The following GPR39 variants were observed in gnomAD, a reference collection of about 807,000 sequenced individuals.
The protein encoded by GPR39 is G protein-coupled receptor 39.
A neutral mutation model predicts 18.4 loss-of-function variants in GPR39; 23 were observed. That is an observed-to-expected ratio of 1.25 (90% CI 0.90 to 1.77). The LOEUF (loss-of-function observed/expected upper bound fraction) is 1.77, where lower values mean the gene tolerates loss of function less well. Among genes scored for constraint, GPR39 ranks in the 40% most tolerant of loss-of-function variants. The pLI is 0.00. For missense variants in GPR39, 647 were observed against 602.4 expected (o/e 1.07, Z -0.78); for synonymous variants, 280 against 257.9 (o/e 1.09, Z -0.82).
intron 1 of GPR39, among the ~76,000 whole-genome samples, chr2:132,427,568 T>C (rs1282248894): frequency 6.6e-6 from 1 of 150,940 alleles, no homozygotes; most frequent in African/African-American, 2.4e-5. Context: ...TTTGGAGACA[T>C]ATACTCAGCA....
intron 1 of GPR39, among the ~76,000 whole-genome samples, chr2:132,545,670 G>GTGTGTGTT (rs1242273914): frequency 3.1e-4 from 47 of 151,956 alleles, no homozygotes; most frequent in African/African-American, 1.1e-3. Flanking sequence ...GTGTGTGTGT[G>GTGTGTGTT]TGTGTGTGTG....
At chr2:132,619,268 A>G (rs1002247618) in intron 1 of GPR39, among the ~76,000 whole-genome samples, 4 of 152,210 alleles carry the variant, frequency 2.6e-5, no homozygotes, top group African/African-American at 4.8e-5. Flanking sequence ...GATCACAGCA[A>G]TTTGAGGCAC....
At position 132,646,546 on chromosome 2, in the gene GPR39, GT is replaced by G. The variant is rs1682092908; in HGVS notation, c.*942del. 1.4e-5 allele frequency: 5 copies of G among 355,472 alleles called. No individual in the cohort carries two copies. Among genetic ancestry groups the G allele is most frequent in the Non-Finnish European group, 2.5e-5 (5 of 199,786 alleles). The allele number at this position is 355,472 out of a possible 1,614,324, so 22.0% of individuals were successfully genotyped here. On this transcript the variant is annotated 3_prime_UTR_variant, in exon 2 of 2. Coordinates refer to ENST00000329321, the MANE Select transcript of GPR39 (RefSeq NM_001508.3). ...TGTGAATACCTGTTAATAAAGAGCT[GT>G]TAAATAGACTTATTTACATTTTAAG... is the stretch of plus-strand genomic sequence containing the variant.
chr2:132,544,985 G>A (rs12476183), intron 1 of GPR39, among the ~76,000 whole-genome samples: 25,676 of 152,208 alleles, frequency 0.17, 2,548 homozygotes, highest in African/African-American at 0.26. Context: ...AATAGGTGAA[G>A]CGTGGGGAAC....
chr2:132,480,252 T>C (rs530847573), intron 1 of GPR39, among the ~76,000 whole-genome samples: 3 of 152,188 alleles, frequency 2.0e-5, no homozygotes, highest in African/African-American at 7.2e-5. Context: ...TGCCAGGGAC[T>C]AGGAGGAGGA....
At chr2:132,489,048 C>T (rs1681404060) in intron 1 of GPR39, 2 of 188,808 alleles carry the variant, frequency 1.1e-5, no homozygotes, top group South Asian at 2.3e-4. Flanking sequence ...CCTGGAATTC[C>T]ACCAGGGCCT....
At chr2:132,449,150 C>G (rs1168539253) in intron 1 of GPR39, among the ~76,000 whole-genome samples, 3 of 152,224 alleles carry the variant, frequency 2.0e-5, no homozygotes, top group Non-Finnish European at 2.9e-5. Context: ...CATTGCCACA[C>G]GGCAAGGTTT....
intron 1 of GPR39, among the ~76,000 whole-genome samples, chr2:132,507,259 T>C (rs1425081011): frequency 6.6e-6 from 1 of 152,136 alleles, no homozygotes; most frequent in South Asian, 2.1e-4. Flanking sequence ...TACCAGGTAG[T>C]GCTCAGTGAA....
chr2:132,572,554 C>A (rs1055211537), intron 1 of GPR39, among the ~76,000 whole-genome samples: 10 of 145,858 alleles, frequency 6.9e-5, no homozygotes, highest in Middle Eastern at 3.5e-3. Flanking sequence ...AAAAAAAAAA[C>A]CTCATTCTAA....
chr2:132,554,457 CA>C (rs1291856997), intron 1 of GPR39, among the ~76,000 whole-genome samples: 3 of 152,140 alleles, frequency 2.0e-5, no homozygotes, highest in Non-Finnish European at 4.4e-5. Context: ...ATGGGATGCT[CA>C]TGAGTTTGTG....
chr2:132,492,641 T>TATATATA lies in GPR39; in HGVS notation c.856+74743_856+74744insATATATA, dbSNP rs1558814490. 2.2e-5 allele frequency among the ~76,000 whole-genome samples: 3 copies of TATATATA among 135,678 alleles called. No homozygotes were observed. In the South Asian group the frequency reaches 6.9e-4, roughly 31 times the overall value. The allele number at this position is 135,678 out of a possible 152,430, so 89.0% of individuals were successfully genotyped here. A position where few individuals can be genotyped will look rare whatever the true frequency, so the allele number is the denominator to read the frequency against. On this transcript the variant is annotated intron_variant, in intron 1 of 1. Transcript: ENST00000329321. Reference sequence around the variant, plus strand: ...ATATATACAATATATATACACACCATCTATATATAATATATATACACACCA... The same window carrying TATATATA: ...ATATATACAATATATATACACACCATATATATACTATATATAATATATATACACACCA...
At chr2:132,567,137 C>T (rs1343810426) in intron 1 of GPR39, among the ~76,000 whole-genome samples, 2 of 152,144 alleles carry the variant, frequency 1.3e-5, no homozygotes, top group Admixed American at 6.6e-5. Flanking sequence ...TTGAGACCAA[C>T]ATGGTGAAAC....
intron 1 of GPR39, among the ~76,000 whole-genome samples, chr2:132,631,317 A>G (rs1218748295): frequency 6.6e-6 from 1 of 152,230 alleles, no homozygotes; most frequent in Non-Finnish European, 1.5e-5. Context: ...ACAAATTTGC[A>G]AGACTATTTC....
chr2:132,535,188 A>G (rs1193706615), intron 1 of GPR39, among the ~76,000 whole-genome samples: 1 of 152,138 alleles, frequency 6.6e-6, no homozygotes, highest in Non-Finnish European at 1.5e-5. Flanking sequence ...ATAGTATGAT[A>G]TCAGCTATGG....
intron 1 of GPR39, among the ~76,000 whole-genome samples, chr2:132,553,814 A>C (rs760414867): frequency 6.6e-6 from 1 of 152,078 alleles, no homozygotes; most frequent in East Asian, 1.9e-4. Flanking sequence ...TGAAACCCAC[A>C]AGCAGATTCT....
intron 1 of GPR39, among the ~76,000 whole-genome samples, chr2:132,472,901 G>A (rs1041494738): frequency 6.6e-6 from 1 of 151,956 alleles, no homozygotes; most frequent in Non-Finnish European, 1.5e-5. Context: ...AGTAGAGGAC[G>A]TGGCCTTGAT....
At chr2:132,445,074 TA>T (rs1239941952) in intron 1 of GPR39, among the ~76,000 whole-genome samples, 1 of 152,204 alleles carries the variant, frequency 6.6e-6, no homozygotes, top group Admixed American at 6.5e-5. Flanking sequence ...TGATAGTTTT[TA>T]AAAAATTATA....
intron 1 of GPR39, among the ~76,000 whole-genome samples, chr2:132,571,706 T>C (rs1680443518): frequency 6.6e-6 from 1 of 152,060 alleles, no homozygotes; most frequent in African/African-American, 2.4e-5. Context: ...GGTCAGGAAG[T>C]GTGAACAGTG....
At chr2:132,552,673 G>A (rs750985918) in intron 1 of GPR39, among the ~76,000 whole-genome samples, 5 of 151,506 alleles carry the variant, frequency 3.3e-5, no homozygotes, top group Admixed American at 6.6e-5. Context: ...CTGGAAGTTC[G>A]GCATCCTTGA....
Sources: gnomAD v4.1 joint callset for allele counts (sites outside exome capture counted in the v4.1 genomes callset) on GRCh38, gnomAD v4.1.1 for gene constraint, MANE v1.5 for transcripts, NCBI Gene and HGNC (gene_info 2026-07-23, HGNC 2026-07-21) for gene names.